TMEM132D: variants seen among roughly 807,000 people sequenced by gnomAD.
TMEM132D encodes mature OL transmembrane protein.
Under a neutral mutation model 62.3 loss-of-function variants are expected in TMEM132D, and 21 were observed. That is an observed-to-expected ratio of 0.34 (90% CI 0.24 to 0.49). The LOEUF (loss-of-function observed/expected upper bound fraction) is 0.49. Among genes scored for constraint, TMEM132D ranks in the 20% least tolerant of loss-of-function variants. The probability of loss-of-function intolerance (pLI) is 0.99; values close to 1 mark genes in which losing one functional copy is unlikely to be tolerated. For synonymous variants in TMEM132D, 621 were observed against 575.6 expected (o/e 1.08, Z -1.13); for missense variants, 1,346 against 1,402.8 (o/e 0.96, Z 0.65).
At position 129,404,735 on chromosome 12, in the gene TMEM132D, C is replaced by T. The variant is rs1871728628; in HGVS notation, c.1116-66918G>A. On this transcript the variant is annotated intron_variant, in intron 3 of 8. Transcript: ENST00000422113. ...AACAACCAGATCTCCTGTGAGATAC[C>T]TGAGCAAAAACTCATTCATCACCAA... Among the ~76,000 whole-genome samples, 3 of 152,012 alleles carry T rather than the reference C, an allele frequency of 2.0e-5. No homozygotes were observed. The South Asian group carries it at 6.2e-4, about 32-fold the overall frequency.
At chr12:129,889,731 A>G (rs1443691056) in intron 1 of TMEM132D, among the ~76,000 whole-genome samples, 2 of 152,200 alleles carry the variant, frequency 1.3e-5, no homozygotes, top group African/African-American at 4.8e-5. Flanking sequence ...CATCTGTTCA[A>G]TGCTGACCAG....
At chr12:129,770,658 T>C (rs768000884) in intron 1 of TMEM132D, among the ~76,000 whole-genome samples, 1 of 152,146 alleles carries the variant, frequency 6.6e-6, no homozygotes, top group African/African-American at 2.4e-5. Flanking sequence ...TTGATACACC[T>C]AACCTACGGA....
chr12:129,398,031 C>A (rs1250429583), intron 3 of TMEM132D, among the ~76,000 whole-genome samples: 1 of 152,166 alleles, frequency 6.6e-6, no homozygotes, highest in Non-Finnish European at 1.5e-5. Flanking sequence ...CCCAACACCC[C>A]ATGTTGCTTT....
chr12:129,703,401 C>A (rs2137230139), intron 1 of TMEM132D, among the ~76,000 whole-genome samples: 1 of 151,972 alleles, frequency 6.6e-6, no homozygotes, highest in East Asian at 1.9e-4. Context: ...TGCCTGGTAT[C>A]TGACCTAAAT....
At chr12:129,207,585 G>A (rs1326255877) in intron 5 of TMEM132D, among the ~76,000 whole-genome samples, 2 of 152,050 alleles carry the variant, frequency 1.3e-5, no homozygotes, top group East Asian at 3.9e-4. Context: ...GGGAGGAGAG[G>A]GGATGCCTGT....
chr12:129,513,421 ATTT>A (rs958336695), intron 3 of TMEM132D, among the ~76,000 whole-genome samples: 1 of 151,558 alleles, frequency 6.6e-6, no homozygotes, highest in African/African-American at 2.4e-5. Context: ...ATGGGGACCA[ATTT>A]TTTTTTAATT....
intron 4 of TMEM132D, among the ~76,000 whole-genome samples, chr12:129,332,346 TGAA>T (rs1026193241): frequency 2.6e-5 from 4 of 152,052 alleles, no homozygotes; most frequent in Admixed American, 6.6e-5. Context: ...GGCAAACTAT[TGAA>T]GAAGACTTCA....
chr12:129,746,670 C>T (rs1321062632), intron 1 of TMEM132D, among the ~76,000 whole-genome samples: 1 of 152,032 alleles, frequency 6.6e-6, no homozygotes, highest in Non-Finnish European at 1.5e-5. Context: ...AAACCTTTAT[C>T]GAGGACCTCC....
At chr12:129,201,270 TTCC>T (rs769371095) in intron 5 of TMEM132D, among the ~76,000 whole-genome samples, 46 of 152,318 alleles carry the variant, frequency 3.0e-4, no homozygotes, top group Middle Eastern at 6.8e-3. Flanking sequence ...CACGTCAATC[TTCC>T]TCCTAGTGTG....
chr12:129,260,866 T>A (rs1334150984), intron 4 of TMEM132D, among the ~76,000 whole-genome samples: 1 of 152,238 alleles, frequency 6.6e-6, no homozygotes, highest in East Asian at 1.9e-4. Flanking sequence ...TATGGCTGAA[T>A]AGTATTCAAT....
At chr12:129,140,933 C>G (rs1054138647) in intron 5 of TMEM132D, among the ~76,000 whole-genome samples, 2 of 152,062 alleles carry the variant, frequency 1.3e-5, no homozygotes, top group African/African-American at 4.8e-5. Flanking sequence ...CATTTGTAAG[C>G]CCGTGTCAGA....
rs549426681 is a variant in TMEM132D at position 129,757,012 on chromosome 12, T to A, written c.80-56314A>T. ...CCAACCAATGCTATTCCTTAATAGA[T>A]GCTAGGTCCTGTCATGGCAGATACT... is the stretch of plus-strand genomic sequence containing the variant. On this transcript the variant is annotated intron_variant, in intron 1 of 8. Transcript: ENST00000422113. Among the ~76,000 whole-genome samples the A allele has an allele frequency of 3.3e-5, 5 of 152,276 alleles. No individual in the cohort carries two copies. In the South Asian group the frequency reaches 1.0e-3, roughly 32 times the overall value.
rs1454214747 is a variant in TMEM132D, at chr12:129,277,298, T to G, written c.1299+60336A>C. ...TTTCCTCAACAATGAGGTCCAGACT[T>G]AGAGGTATTTGTGTCAAATTAAGGC... On this transcript the variant is annotated intron_variant, in intron 4 of 8. Transcript: ENST00000422113. The surrounding 1 kb of genome is among the most constrained non-coding windows in gnomAD (Gnocchi z 4.2). Among the ~76,000 whole-genome samples, 5 of 152,196 alleles carry G rather than the reference T, an allele frequency of 3.3e-5. No homozygotes were observed. Among genetic ancestry groups the G allele is most frequent in the Admixed American group, 3.3e-4 (5 of 15,282 alleles).
At chr12:129,506,777 A>C (rs1483727280) in intron 3 of TMEM132D, among the ~76,000 whole-genome samples, 8 of 152,080 alleles carry the variant, frequency 5.3e-5, no homozygotes, top group Admixed American at 5.2e-4. Flanking sequence ...CATCAGAAAA[A>C]CTCTTCTAGA....
intron 2 of TMEM132D, among the ~76,000 whole-genome samples, chr12:129,590,700 C>G (rs1238405924): frequency 6.6e-6 from 1 of 152,146 alleles, no homozygotes; most frequent in East Asian, 1.9e-4. Context: ...ATGCAAGCAG[C>G]CCAGAGCTCA....
intron 5 of TMEM132D, among the ~76,000 whole-genome samples, chr12:129,205,865 A>G (rs1878835744): frequency 6.6e-6 from 1 of 152,146 alleles, no homozygotes; most frequent in Non-Finnish European, 1.5e-5. Flanking sequence ...TACAAAGAAA[A>G]TCACTCAAAA....
At chr12:129,191,581 T>G (rs1266979623) in intron 5 of TMEM132D, among the ~76,000 whole-genome samples, 1 of 151,728 alleles carries the variant, frequency 6.6e-6, no homozygotes, top group African/African-American at 2.4e-5. Flanking sequence ...TTTTCTCCTC[T>G]GTAAAGGAAA....
At chr12:129,887,917 C>A (rs148835000) in intron 1 of TMEM132D, among the ~76,000 whole-genome samples, 1 of 152,064 alleles carries the variant, frequency 6.6e-6, no homozygotes, top group East Asian at 1.9e-4. Context: ...CAGAACTTAA[C>A]GAGATAAGGC....
At chr12:129,627,940 T>C (rs899089286) in intron 2 of TMEM132D, among the ~76,000 whole-genome samples, 2 of 152,180 alleles carry the variant, frequency 1.3e-5, no homozygotes, top group African/African-American at 4.8e-5. Flanking sequence ...TGAGCTGAGA[T>C]CGCATCACTG....
Sources: gnomAD v4.1 joint callset for allele counts (sites outside exome capture counted in the v4.1 genomes callset) on GRCh38, gnomAD v4.1.1 for gene constraint, Gnocchi (gnomAD v3.1) non-coding constraint, MANE v1.5 for transcripts, NCBI Gene and HGNC (gene_info 2026-07-23, HGNC 2026-07-21) for gene names.